SPATA21: variants seen among roughly 807,000 people sequenced by gnomAD.
SPATA21 encodes the protein spermatogenesis associated 21, also known as spermatogenesis-associated protein 21.
SPATA21 carries 47 observed loss-of-function variants against 54.8 expected under a neutral mutation model. The observed-to-expected ratio is 0.86, with a 90% confidence interval of 0.68 to 1.09. The LOEUF (loss-of-function observed/expected upper bound fraction) is 1.09. Among genes scored for constraint, SPATA21 ranks in the 50% least tolerant of loss-of-function variants. SPATA21 has a pLI of 0.00. For synonymous variants in SPATA21, 245 were observed against 235.3 expected (o/e 1.04, Z -0.38); for missense variants, 599 against 596.4 (o/e 1.00, Z -0.05).
chr1:16,399,377 C>T lies in SPATA21; in HGVS notation c.1319G>A (p.Ser440Asn), dbSNP rs1289799869. ...TPPGLDPDIR[S>N]PFFQSGSQGN... ...TTGAGATCCTGACTGGAAGAAGGGG[C>T]TGCGGATGTCAGGATCCAGGCCAGG... Residue 440 changes from serine to asparagine, a missense_variant, in exon 12 of 13, where the codon AGC (serine) becomes AAC (asparagine). Transcript: ENST00000335496. The T allele has an allele frequency of 6.2e-7, 1 of 1,613,810 alleles. No individual in the cohort carries two copies. Among genetic ancestry groups the T allele is most frequent in the Admixed American group, 1.7e-5 (1 of 59,994 alleles).
chr1:16,432,281 C>G lies in SPATA21; in HGVS notation c.-52+509G>C, dbSNP rs549303110. 1.5e-4 allele frequency among the ~76,000 whole-genome samples: 23 copies of G among 152,006 alleles called. No individual in the cohort carries two copies. The East Asian group carries it at 4.1e-3, about 27-fold the overall frequency. On this transcript the variant is annotated intron_variant, in intron 2 of 12. Transcript: ENST00000335496. ...GGATTTTAGGCGGCCGCCACCATGC[C>G]CGGCTAATTTTTGTATTTTTAGTAG...
At chr1:16,418,754 C>T (rs1271486010) in intron 5 of SPATA21, among the ~76,000 whole-genome samples, 2 of 152,052 alleles carry the variant, frequency 1.3e-5, no homozygotes, top group East Asian at 3.9e-4. Flanking sequence ...TTTGGCCAGG[C>T]TGGTCTTGAA....
intron 3 of SPATA21, chr1:16,427,880 G>T: frequency 6.5e-7 from 1 of 1,548,770 alleles, no homozygotes; most frequent in African/African-American, 1.4e-5. Flanking sequence ...CTTGCTGGAG[G>T]CCCCTGCTCC....
At chr1:16,408,986 C>T (rs918073882) in intron 7 of SPATA21, 132 bp downstream of exon 7, 1 of 908,778 alleles carries the variant, frequency 1.1e-6, no homozygotes, top group African/African-American at 1.7e-5. Context: ...TGCAGAAAAC[C>T]CCTGCTGGGT....
At chr1:16,423,412 CAA>C (rs1161125061) in intron 3 of SPATA21, among the ~76,000 whole-genome samples, 4,699 of 58,758 alleles carry the variant, frequency 0.08, 47 homozygotes, top group Non-Finnish European at 0.13. Flanking sequence ...GACTCCATGT[CAA>C]AAAAAAAAAA....
At chr1:16,400,607 T>C in intron 11 of SPATA21, 113 bp downstream of exon 11, 1 of 1,499,910 alleles carries the variant, frequency 6.7e-7, no homozygotes, top group Non-Finnish European at 8.9e-7. Flanking sequence ...AGTGGGAAAC[T>C]GGCCTCTCAG....
chr1:16,421,045 T>G lies in SPATA21; in HGVS notation c.144+464A>C, dbSNP rs1282221798. On this transcript the variant is annotated intron_variant, in intron 5 of 12. Transcript: ENST00000335496. The surrounding 1 kb of genome is among the most constrained non-coding windows in gnomAD (Gnocchi z 5.2). ...AGACAGGGCAGATGCTGGCAGGGCA[T>G]GCATGCTAGTGACTGTGTATTTGCA... is the stretch of plus-strand genomic sequence containing the variant. Among the ~76,000 whole-genome samples, 3 of 151,996 alleles carry G rather than the reference T, an allele frequency of 2.0e-5. No individual in the cohort carries two copies. The highest frequency in any genetic ancestry group is 4.4e-5 in the Non-Finnish European group (3 of 68,004).
At position 16,409,603 on chromosome 1, in the gene SPATA21, C is replaced by T. The variant is rs372795026; in HGVS notation, c.585G>A (p.Ala195=). The change falls in exon 6 of 13, where the codon GCG becomes GCA. Residue 195 remains alanine, a splice_region_variant and synonymous_variant. Coordinates refer to ENST00000335496, the MANE Select transcript of SPATA21 (RefSeq NM_198546.1). The surrounding 1 kb of genome is among the most constrained non-coding windows in gnomAD (Gnocchi z 4.1). ...GGGTGAGCAGCGGGGGCTCCTACCG[C>T]GCCTTGGCGTAGCTCAGGGTTCTCT... ...SSERTLSYAK[A]RQEPEEQSLQ... 3.5e-5 allele frequency: 56 copies of T among 1,609,920 alleles called. No homozygotes were observed. The highest frequency in any genetic ancestry group is 6.7e-5 in the Admixed American group (4 of 59,738).
intron 11 of SPATA21, among the ~76,000 whole-genome samples, chr1:16,400,206 G>A (rs948595206): frequency 4.6e-5 from 7 of 151,938 alleles, no homozygotes; most frequent in Admixed American, 3.9e-4. Context: ...TTTTAGAGAT[G>A]GGGTTTCACC....
At chr1:16,405,254 C>G (rs996252573) in intron 7 of SPATA21, 150 bp from the exon 8 acceptor site, 19 of 1,152,628 alleles carry the variant, frequency 1.6e-5, no homozygotes, top group Non-Finnish European at 2.2e-5. Flanking sequence ...GTAATCCCAA[C>G]ATTTTGGGAG....
Position 16,402,249 on chromosome 1 carries a change from CTTTTTTTTTTTTTTTT to C in SPATA21, c.1002-1373_1002-1358del, listed in dbSNP as rs869032281. Among the ~76,000 whole-genome samples, 13 of 55,962 alleles carry C rather than the reference CTTTTTTTTTTTTTTTT, an allele frequency of 2.3e-4. 1 individual carries two copies. Among genetic ancestry groups the C allele is most frequent in the Admixed American group, 1.2e-3 (4 of 3,356 alleles). 36.7% of individuals were successfully genotyped at this position (55,962 alleles called of 152,430 possible). A position where few individuals can be genotyped will look rare whatever the true frequency, so the allele number is the denominator to read the frequency against. ...CTTCTGGCAGTTCTGAGCTGCCATT[CTTTTTTTTTTTTTTTT>C]TTTTTTTTTTTTTGAGATGGAGTTT... On this transcript the variant is annotated intron_variant, in intron 10 of 12. Coordinates refer to ENST00000335496, the MANE Select transcript of SPATA21 (RefSeq NM_198546.1).
intron 3 of SPATA21, 144 bp downstream of exon 3, chr1:16,431,194 G>A: frequency 6.6e-7 from 1 of 1,522,568 alleles, no homozygotes; most frequent in Non-Finnish European, 8.8e-7. Flanking sequence ...GGAAGGGAAA[G>A]GTGCCAGCTA....
At chr1:16,430,153 C>T (rs923941845) in intron 3 of SPATA21, among the ~76,000 whole-genome samples, 1 of 140,370 alleles carries the variant, frequency 7.1e-6, no homozygotes, top group African/African-American at 2.7e-5. Context: ...AGATGCCGGA[C>T]ACGGAGGCTT....
chr1:16,437,128 C>G lies in SPATA21; in HGVS notation c.-187G>C, dbSNP rs1172534192. 1 of 152,286 alleles carries G rather than the reference C, an allele frequency of 6.6e-6. No individual in the cohort carries two copies. Among genetic ancestry groups the G allele is most frequent in the African/African-American group, 2.4e-5 (1 of 41,448 alleles). The allele number at this position is 152,286 out of a possible 1,614,324, so 9.4% of individuals were successfully genotyped here. On this transcript the variant is annotated splice_region_variant and 5_prime_UTR_variant, in exon 1 of 13. Coordinates refer to ENST00000335496, the MANE Select transcript of SPATA21 (RefSeq NM_198546.1). ...CACCCCACCTTGGCCCTGCACCTAC[C>G]AGAAATCAGCTGGATGAGTCACAGT... is the stretch of plus-strand genomic sequence containing the variant.
At chr1:16,404,579 G>A (rs949826004) in intron 8 of SPATA21, among the ~76,000 whole-genome samples, 2 of 152,192 alleles carry the variant, frequency 1.3e-5, no homozygotes, top group African/African-American at 4.8e-5. Context: ...CACTTTGAGA[G>A]GCTGAGGCAG....
At chr1:16,403,035 A>G (rs971773152) in intron 10 of SPATA21, among the ~76,000 whole-genome samples, 3 of 152,154 alleles carry the variant, frequency 2.0e-5, no homozygotes, top group African/African-American at 7.2e-5. Flanking sequence ...TGAAATTGCT[A>G]TTTGAAGGTC....
At position 16,399,468 on chromosome 1, in the gene SPATA21, G is replaced by A. The variant is rs1018130227; in HGVS notation, c.1228C>T (p.Gln410Ter). The A allele has an allele frequency of 6.2e-6, 10 of 1,614,088 alleles. No homozygotes were observed. Among genetic ancestry groups the A allele is most frequent in the Middle Eastern group, 3.3e-4 (2 of 6,084 alleles). The change falls in exon 12 of 13, where the codon CAG becomes TAG. Residue 410 changes from glutamine (Q) to a stop codon, truncating the protein, a stop_gained. Coordinates refer to ENST00000335496, the MANE Select transcript of SPATA21 (RefSeq NM_198546.1). LOFTEE classifies it high-confidence loss of function. ...CTACGGACCATCTTCTTGTCCAGCTGTGGGCAGAGCAGGATGCAGGGCACC... is the reference window on the plus strand; with the variant it reads ...CTACGGACCATCTTCTTGTCCAGCTATGGGCAGAGCAGGATGCAGGGCACC... ...AQVPCILLCP[Q>*]LDKKMVRRQP...
intron 3 of SPATA21, among the ~76,000 whole-genome samples, chr1:16,422,484 A>C (rs1381373789): frequency 6.7e-6 from 1 of 149,388 alleles, no homozygotes; most frequent in Non-Finnish European, 1.5e-5. Context: ...CCCTTTAAAT[A>C]GGGTTTTCCT....
Position 16,428,724 on chromosome 1 carries a change from G to A in SPATA21, c.34+2614C>T, listed in dbSNP as rs1414276421. On this transcript the variant is annotated intron_variant, in intron 3 of 12. Transcript: ENST00000335496. The surrounding 1 kb of genome is among the most constrained non-coding windows in gnomAD (Gnocchi z 4.3). ...ATGGTCTGTCACTCTCCAACTGGGT[G>A]ACCTGGAGCCAGTGACTGAGACCCC... is the stretch of plus-strand genomic sequence containing the variant. 6.6e-6 allele frequency among the ~76,000 whole-genome samples: 1 copy of A among 152,096 alleles called. No homozygotes were observed. Among genetic ancestry groups the A allele is most frequent in the African/African-American group, 2.4e-5 (1 of 41,418 alleles).
Sources: gnomAD v4.1 joint callset for allele counts (sites outside exome capture counted in the v4.1 genomes callset) on GRCh38, gnomAD v4.1.1 for gene constraint, Gnocchi (gnomAD v3.1) non-coding constraint, MANE v1.5 for transcripts, NCBI Gene and HGNC (gene_info 2026-07-23, HGNC 2026-07-21) for gene names.